FKBP5: variants seen among roughly 807,000 people sequenced by gnomAD.
The protein encoded by FKBP5 is FKBP prolyl isomerase 5.
Under a neutral mutation model 50.5 loss-of-function variants are expected in FKBP5, and 23 were observed. The observed-to-expected ratio is 0.46, with a 90% CI of 0.33 to 0.65. FKBP5 has a LOEUF of 0.65. FKBP5 is among the 30% of genes least tolerant of loss of function. FKBP5 has a pLI of 0.02. For missense variants in FKBP5, 411 were observed against 553.1 expected, an observed-to-expected ratio of 0.74 and a Z score of 2.58; for synonymous variants, 176 against 190.6, an observed-to-expected ratio of 0.92 and a Z score of 0.63.
intron 1 of FKBP5, among the ~76,000 whole-genome samples, chr6:35,726,566 A>G (rs1047786989): frequency 1.3e-5 from 2 of 148,912 alleles, no homozygotes; most frequent in African/African-American, 4.9e-5. Flanking sequence ...ACACACACAC[A>G]CACACACACA....
intron 5 of FKBP5, among the ~76,000 whole-genome samples, chr6:35,610,783 T>C (rs1763469340): frequency 6.6e-6 from 1 of 152,064 alleles, no homozygotes; most frequent in African/African-American, 2.4e-5. Context: ...TTTTCAGTCC[T>C]TGCCTGCAAA....
intron 2 of FKBP5, among the ~76,000 whole-genome samples, chr6:35,708,446 T>C (rs1766359966): frequency 6.6e-6 from 1 of 152,070 alleles, no homozygotes; most frequent in African/African-American, 2.4e-5. Context: ...GAGGTGGGCT[T>C]TCACCATGTT....
chr6:35,683,120 ATGTGTGTGTGTGTGTGTGTGTGTG>A (rs35830022), intron 1 of FKBP5, among the ~76,000 whole-genome samples: 20 of 80,650 alleles, frequency 2.5e-4, no homozygotes, highest in African/African-American at 5.0e-4. Flanking sequence ...ATATACGTAT[ATGTGTGTGTGTGTGTGTGTGTGTG>A]TGTGTGTGTG....
intron 2 of FKBP5, among the ~76,000 whole-genome samples, chr6:35,718,914 G>A (rs964535586): frequency 6.6e-6 from 1 of 152,208 alleles, no homozygotes; most frequent in Admixed American, 6.5e-5. Flanking sequence ...AGATGCCCCT[G>A]AGAGAACCTT....
chr6:35,648,228 CT>C (rs1764683521), intron 1 of FKBP5, among the ~76,000 whole-genome samples: 1 of 152,076 alleles, frequency 6.6e-6, no homozygotes, highest in Admixed American at 6.6e-5. Flanking sequence ...TTGTCTCTGG[CT>C]TTATACCCTA....
intron 5 of FKBP5, among the ~76,000 whole-genome samples, chr6:35,609,569 A>C (rs1035283883): frequency 2.8e-4 from 42 of 152,118 alleles, no homozygotes; most frequent in Non-Finnish European, 4.6e-4. Context: ...GATCTTAAGA[A>C]TCTTTTTCTT....
At chr6:35,685,140 T>C (rs1765786692) in intron 1 of FKBP5, among the ~76,000 whole-genome samples, 1 of 152,176 alleles carries the variant, frequency 6.6e-6, no homozygotes, top group Non-Finnish European at 1.5e-5. Flanking sequence ...GTACAAATTA[T>C]TTTGAGTAGT....
intron 1 of FKBP5, among the ~76,000 whole-genome samples, chr6:35,643,170 C>T (rs1253663125): frequency 6.6e-6 from 1 of 152,152 alleles, no homozygotes; most frequent in Non-Finnish European, 1.5e-5. Flanking sequence ...CCTTTTTCTA[C>T]AGCCATATTC....
intron 2 of FKBP5, among the ~76,000 whole-genome samples, chr6:35,713,587 T>C (rs370998825): frequency 6.6e-6 from 1 of 152,162 alleles, no homozygotes; most frequent in East Asian, 1.9e-4. Context: ...CTCTCAGAAG[T>C]CAGTGTAGGA....
chr6:35,669,961 T>A (rs1374693707), intron 1 of FKBP5, among the ~76,000 whole-genome samples: 1 of 152,206 alleles, frequency 6.6e-6, no homozygotes, highest in Non-Finnish European at 1.5e-5. Flanking sequence ...GTATAAAGAT[T>A]TCTTCCCATT....
At position 35,652,807 on chromosome 6, in the gene FKBP5, C is replaced by G. The variant is rs528335864; in HGVS notation, c.-19-9964G>C. On this transcript the variant is annotated intron_variant, in intron 1 of 10. Coordinates refer to ENST00000357266, the MANE Select transcript of FKBP5 (RefSeq NM_004117.4). The stretch of plus-strand genomic sequence containing the variant: ...CCCACAACTATTCGCACACTCCCTC[C>G]CCTTTTGAAAATCCCTAATAAAAAC... Among the ~76,000 whole-genome samples, 14 of 152,274 alleles carry G rather than the reference C, an allele frequency of 9.2e-5. 1 individual carries two copies. The South Asian group carries it at 2.9e-3, about 32-fold the overall frequency.
In FKBP5 at chr6:35,586,504, C is replaced by T. The variant is rs577270368; in HGVS notation, c.840+530G>A. The T allele has an allele frequency of 3.0e-4, 298 of 988,928 alleles. 2 individuals carry two copies. The African/African-American group carries it at 4.6e-3, about 15-fold the overall frequency. 61.3% of individuals were successfully genotyped at this position (988,928 alleles called of 1,614,324 possible). ...AAGATGGGCCCGGTGCAGTGGCTCACGCCTGTAATCTCAGCACTTTGGGAA... is the reference window on the plus strand; with the variant it reads ...AAGATGGGCCCGGTGCAGTGGCTCATGCCTGTAATCTCAGCACTTTGGGAA... On this transcript the variant is annotated intron_variant, in intron 8 of 10. Transcript: ENST00000357266.
At chr6:35,722,864 G>A (rs1298088137) in intron 1 of FKBP5, among the ~76,000 whole-genome samples, 1 of 152,216 alleles carries the variant, frequency 6.6e-6, no homozygotes, top group Non-Finnish European at 1.5e-5. Context: ...TAGCCCATAG[G>A]AGGGCAGCGA....
chr6:35,673,131 T>C (rs1765434157), intron 1 of FKBP5, among the ~76,000 whole-genome samples: 1 of 152,230 alleles, frequency 6.6e-6, no homozygotes, highest in Non-Finnish European at 1.5e-5. Flanking sequence ...GCAACTGGTA[T>C]GGCCAGACGC....
At chr6:35,589,120 ATATATATATTT>A (rs1213592355) in intron 7 of FKBP5, among the ~76,000 whole-genome samples, 3 of 125,548 alleles carry the variant, frequency 2.4e-5, no homozygotes, top group African/African-American at 9.6e-5. Flanking sequence ...TTATATATAT[ATATATATATTT>A]TTTTTTTTTT....
intron 1 of FKBP5, among the ~76,000 whole-genome samples, chr6:35,649,394 A>T (rs970579933): frequency 5.9e-5 from 9 of 151,918 alleles, no homozygotes; most frequent in Non-Finnish European, 1.2e-4. Flanking sequence ...ACTGAGAATA[A>T]AATGGAGCAT....
intron 3 of FKBP5, among the ~76,000 whole-genome samples, chr6:35,632,645 G>A (rs778575929): frequency 4.0e-5 from 6 of 151,716 alleles, no homozygotes; most frequent in Admixed American, 1.3e-4. Context: ...ATCCCAGCAC[G>A]TTGGGAGGCC....
chr6:35,716,755 C>T (rs889967954), intron 2 of FKBP5, among the ~76,000 whole-genome samples: 2 of 145,896 alleles, frequency 1.4e-5, no homozygotes, highest in Non-Finnish European at 3.1e-5. Flanking sequence ...CTCTGGATTC[C>T]TGCTGTGCTG....
chr6:35,671,201 T>C (rs972660297), intron 1 of FKBP5, among the ~76,000 whole-genome samples: 21 of 151,644 alleles, frequency 1.4e-4, no homozygotes, highest in Admixed American at 1.2e-3. Flanking sequence ...GAGGTAGAAG[T>C]TGCAGTTAGC....
Sources: gnomAD v4.1 joint callset for allele counts (sites outside exome capture counted in the v4.1 genomes callset) on GRCh38, gnomAD v4.1.1 for gene constraint, MANE v1.5 for transcripts, NCBI Gene and HGNC (gene_info 2026-07-23, HGNC 2026-07-21) for gene names.